Variants in CHD6 observed in about 807,000 individuals in gnomAD.
The protein encoded by CHD6 is ATP-dependent chromatin remodeler CHD6.
A neutral mutation model predicts 276.9 loss-of-function variants in CHD6; 50 were observed. That is an observed-to-expected ratio of 0.18 (90% CI 0.14 to 0.23). The LOEUF (loss-of-function observed/expected upper bound fraction) is 0.23. CHD6 is among the 10% of genes least tolerant of loss of function. The pLI is 1.00. For missense variants in CHD6, 2,564 were observed against 3,365.8 expected (o/e 0.76, Z 5.89); for synonymous variants, 1,173 against 1,229.3 (o/e 0.95, Z 0.96).
intron 29 of CHD6, among the ~76,000 whole-genome samples, chr20:41,423,977 A>G (rs2047280426): frequency 6.6e-6 from 1 of 152,196 alleles, no homozygotes; most frequent in South Asian, 2.1e-4. Context: ...TACACTTGCT[A>G]TCTCTTGATT....
chr20:41,444,764 T>C (rs890290394), intron 25 of CHD6, among the ~76,000 whole-genome samples: 1 of 152,322 alleles, frequency 6.6e-6, no homozygotes, highest in Admixed American at 6.5e-5. Flanking sequence ...TAATGTAATA[T>C]TTAATCTTTA....
chr20:41,540,513 T>C (rs1218190183), intron 2 of CHD6, among the ~76,000 whole-genome samples: 1 of 152,238 alleles, frequency 6.6e-6, no homozygotes, highest in Non-Finnish European at 1.5e-5. Flanking sequence ...CAATCCATGT[T>C]TCTCCCAATC....
At chr20:41,616,300 T>C (rs969660888) in intron 1 of CHD6, among the ~76,000 whole-genome samples, 1 of 151,996 alleles carries the variant, frequency 6.6e-6, no homozygotes, top group African/African-American at 2.4e-5. Flanking sequence ...ATTGAAAGAG[T>C]TTGCAGTGCT....
intron 31 of CHD6, among the ~76,000 whole-genome samples, chr20:41,419,676 C>CT (rs1304436282): frequency 2.0e-5 from 3 of 147,148 alleles, no homozygotes; most frequent in Non-Finnish European, 4.5e-5. Flanking sequence ...GACAATGTGT[C>CT]TGTCTACACC....
rs2046606498 is a variant in CHD6, at chr20:41,404,244, C to G, written c.*349G>C. The G allele has an allele frequency of 2.8e-6, 3 of 1,082,976 alleles. No individual in the cohort carries two copies. The highest frequency in any genetic ancestry group is 3.4e-6 in the Non-Finnish European group (3 of 892,216). 67.1% of individuals were successfully genotyped at this position (1,082,976 alleles called of 1,614,324 possible). A position where few individuals can be genotyped will look rare whatever the true frequency, so the allele number is the denominator to read the frequency against. ...TTCTTCCACCCTTCAATGGTAAAAC[C>G]CTAGACAGCTTTCTTTTGCCATTTT... is the stretch of plus-strand genomic sequence containing the variant. On this transcript the variant is annotated 3_prime_UTR_variant, in exon 37 of 37. Coordinates refer to ENST00000373233, the MANE Select transcript of CHD6 (RefSeq NM_032221.5).
intron 16 of CHD6, chr20:41,482,659 A>G (rs1380216173): frequency 7.6e-6 from 3 of 396,440 alleles, no homozygotes; most frequent in Non-Finnish European, 1.5e-5. Context: ...ATGTGTCACA[A>G]TGACGGAAAA....
At chr20:41,580,563 G>C (rs2045525386) in intron 1 of CHD6, among the ~76,000 whole-genome samples, 2 of 145,846 alleles carry the variant, frequency 1.4e-5, no homozygotes, top group East Asian at 4.1e-4. Context: ...GGAAGGCTGA[G>C]ACAGGAGGAT....
chr20:41,540,634 C>T (rs1252944958), intron 2 of CHD6, among the ~76,000 whole-genome samples: 3 of 152,138 alleles, frequency 2.0e-5, no homozygotes, highest in African/African-American at 7.2e-5. Flanking sequence ...GAAAGGCCAC[C>T]ACAAACCCTT....
At chr20:41,481,813 T>C (rs1355455647) in intron 16 of CHD6, among the ~76,000 whole-genome samples, 1 of 151,688 alleles carries the variant, frequency 6.6e-6, no homozygotes, top group Non-Finnish European at 1.5e-5. Flanking sequence ...AATTTTGTTG[T>C]AGAAAAATAA....
chr20:41,555,131 G>C (rs73613207), intron 1 of CHD6, among the ~76,000 whole-genome samples: 1,488 of 137,474 alleles, frequency 0.011, 16 homozygotes, highest in Non-Finnish European at 0.017. Flanking sequence ...CTCCCTCCCC[G>C]ACGGGGCGGC....
At chr20:41,555,156 G>T (rs2045207577) in intron 1 of CHD6, among the ~76,000 whole-genome samples, 1 of 135,444 alleles carries the variant, frequency 7.4e-6, no homozygotes, top group African/African-American at 2.9e-5. Context: ...CGGGCAGAGG[G>T]GCTCCTCACT....
intron 16 of CHD6, among the ~76,000 whole-genome samples, chr20:41,479,060 C>A (rs956265119): frequency 6.6e-6 from 1 of 151,804 alleles, no homozygotes. Flanking sequence ...AATTTTAGAA[C>A]TAATAAATAA....
Position 41,484,550 on chromosome 20 carries a change from C to T in CHD6, c.2059G>A (p.Val687Met). 1 of 1,613,870 alleles carries T rather than the reference C, an allele frequency of 6.2e-7. No individual in the cohort carries two copies. The highest frequency in any genetic ancestry group is 8.5e-7 in the Non-Finnish European group (1 of 1,179,824). Residue 687 changes from valine to methionine, a missense_variant, in exon 15 of 37, where the codon GTG (valine) becomes ATG (methionine). By Grantham distance (21) the Val-to-Met change is conservative. Transcript: ENST00000373233. ...PMMLRRLKDD[V>M]EKNLAPKQET... is the part of the protein sequence containing the mutation. ...TGTTTGGGAGCAAGGTTCTTTTCCACATCATCTTTCAGCCGCCGAAGCATC... is the reference window on the plus strand; with the variant it reads ...TGTTTGGGAGCAAGGTTCTTTTCCATATCATCTTTCAGCCGCCGAAGCATC...
At chr20:41,512,525 T>C (rs2044145004) in intron 5 of CHD6, among the ~76,000 whole-genome samples, 1 of 151,558 alleles carries the variant, frequency 6.6e-6, no homozygotes, top group African/African-American at 2.4e-5. Context: ...CAAAGGTCTA[T>C]GGGTAGAGAA....
rs183353107 is a variant in CHD6, at chr20:41,513,354, T to C, written c.703-359A>G. On this transcript the variant is annotated intron_variant, in intron 4 of 36. Coordinates refer to ENST00000373233, the MANE Select transcript of CHD6 (RefSeq NM_032221.5). The stretch of plus-strand genomic sequence containing the variant: ...GGATGGGAGCTGAACTCTACCATCT[T>C]TGGGGTCCCTTCCAGCACTTGGTGG... Among the ~76,000 whole-genome samples the C allele has an allele frequency of 1.6e-3, 244 of 152,300 alleles. 1 individual carries two copies. Among genetic ancestry groups the C allele is most frequent in the Non-Finnish European group, 2.4e-3 (162 of 68,024 alleles).
intron 2 of CHD6, among the ~76,000 whole-genome samples, chr20:41,549,989 C>T (rs764993130): frequency 5.9e-5 from 9 of 152,110 alleles, no homozygotes; most frequent in African/African-American, 1.2e-4. Flanking sequence ...TTAGTAGAGA[C>T]GGGGTTTTGC....
At chr20:41,507,750 T>G (rs1318064989) in intron 5 of CHD6, among the ~76,000 whole-genome samples, 1 of 152,162 alleles carries the variant, frequency 6.6e-6, no homozygotes, top group East Asian at 1.9e-4. Flanking sequence ...TTCATACTCT[T>G]TTTATGTCAG....
chr20:41,554,495 G>A (rs919663771), intron 1 of CHD6, among the ~76,000 whole-genome samples: 2 of 151,628 alleles, frequency 1.3e-5, no homozygotes, highest in Non-Finnish European at 3.0e-5. Context: ...AGATAAACAA[G>A]TGAACAAAGG....
chr20:41,581,595 A>G (rs550540629), intron 1 of CHD6, among the ~76,000 whole-genome samples: 2 of 151,926 alleles, frequency 1.3e-5, no homozygotes, highest in African/African-American at 4.8e-5. Flanking sequence ...GAATTGCTTG[A>G]ACTCAGGGAG....
Sources: gnomAD v4.1 joint callset for allele counts (sites outside exome capture counted in the v4.1 genomes callset) on GRCh38, gnomAD v4.1.1 for gene constraint, MANE v1.5 for transcripts, NCBI Gene and HGNC (gene_info 2026-07-23, HGNC 2026-07-21) for gene names.